The following ZFC3H1 variants were observed in gnomAD, a reference collection of about 807,000 sequenced individuals.
ZFC3H1 encodes zinc finger C3H1-type containing, also known as zinc finger C3H1 domain-containing protein.
In ZFC3H1, 71 loss-of-function variants were observed where a neutral mutation model predicts 243.7. The ratio of observed to expected loss-of-function variants is 0.29; its 90% CI spans 0.24 to 0.36. The LOEUF (loss-of-function observed/expected upper bound fraction) is 0.36, where lower values mean the gene tolerates loss of function less well. Ranked by LOEUF, ZFC3H1 falls within the 10% of genes least tolerant of loss-of-function variation. The probability of loss-of-function intolerance (pLI) is 1.00; values close to 1 mark genes in which losing one functional copy is unlikely to be tolerated. For synonymous variants in ZFC3H1, 838 were observed against 813.0 expected, an observed-to-expected ratio of 1.03 and a Z score of -0.52; for missense variants, 1,966 against 2,317.1, an observed-to-expected ratio of 0.85 and a Z score of 3.11.
rs988075118 is a variant in ZFC3H1 at position 71,610,687 on chromosome 12, A to G, written c.5832+8T>C. ...CATCGAGATAAAATAAAAGATAAAA[A>G]GCATTACATCTTTCCACAGTGATGC... On this transcript the variant is annotated splice_region_variant and intron_variant, in intron 34 of 34. Transcript: ENST00000378743. 2.5e-6 allele frequency: 4 copies of G among 1,613,026 alleles called. No homozygotes were observed. Among genetic ancestry groups the G allele is most frequent in the Non-Finnish European group, 3.4e-6 (4 of 1,179,470 alleles).
In ZFC3H1 at chr12:71,629,720, G is replaced by A; in HGVS notation, c.3725-10C>T. The A allele has an allele frequency of 6.6e-7, 1 of 1,505,920 alleles. No homozygotes were observed. The highest frequency in any genetic ancestry group is 1.1e-5 in the South Asian group (1 of 88,784). 93.3% of individuals were successfully genotyped at this position (1,505,920 alleles called of 1,614,324 possible). ...TTCTCAACATATTTTTCTGAAATAA[G>A]AGCAATGCAATCTTCATGATAAATA... On this transcript the variant is annotated splice_polypyrimidine_tract_variant and intron_variant, in intron 18 of 34. Transcript: ENST00000378743.
At chr12:71,626,229 C>A (rs1880162180) in intron 22 of ZFC3H1, 31 bp downstream of exon 22, 1 of 1,607,796 alleles carries the variant, frequency 6.2e-7, no homozygotes. Context: ...CACACACACA[C>A]ACACACACGT....
At chr12:71,648,387 A>G (rs763338374) in intron 2 of ZFC3H1, among the ~76,000 whole-genome samples, 20 of 152,334 alleles carry the variant, frequency 1.3e-4, no homozygotes, top group Non-Finnish European at 2.8e-4. Flanking sequence ...AAAATCTTAC[A>G]TTTATATATT....
rs769037363 is a variant in ZFC3H1 at position 71,633,035 on chromosome 12, A to C, written c.2686-18T>G. On this transcript the variant is annotated intron_variant, in intron 13 of 34. Coordinates refer to ENST00000378743, the MANE Select transcript of ZFC3H1 (RefSeq NM_144982.5). ...CTGTGAATCTGAAAAATATAGAATAATCCTGAAAATGTAAATGAAAACCTT... is the reference window on the plus strand; with the variant it reads ...CTGTGAATCTGAAAAATATAGAATACTCCTGAAAATGTAAATGAAAACCTT... The C allele has an allele frequency of 6.4e-7, 1 of 1,569,912 alleles. No homozygotes were observed. Among genetic ancestry groups the C allele is most frequent in the South Asian group, 1.2e-5 (1 of 83,232 alleles).
chr12:71,632,799 A>C, intron 14 of ZFC3H1, 87 bp downstream of exon 14: 1 of 1,522,810 alleles, frequency 6.6e-7, no homozygotes, highest in Middle Eastern at 1.7e-4. Flanking sequence ...TACAGCAAAG[A>C]GTTACTTTAT....
rs778457887 is a variant in ZFC3H1 at position 71,630,885 on chromosome 12, T to C, written c.3540A>G (p.Glu1180=). ...CAAAACGGCAGAAACACTGATCCGG[T>C]TCAATCATATTACTGTATGATACTG... ...LSSVSYSNMI[E]PDQCFCRFDL... Residue 1180 remains glutamate, a synonymous_variant, in exon 17 of 35, where the codon GAA becomes GAG. Transcript: ENST00000378743. The C allele has an allele frequency of 2.5e-6, 4 of 1,613,438 alleles. No homozygotes were observed.
At chr12:71,622,870 C>T (rs1459142082) in intron 24 of ZFC3H1, among the ~76,000 whole-genome samples, 1 of 152,084 alleles carries the variant, frequency 6.6e-6, no homozygotes, top group African/African-American at 2.4e-5. Context: ...TCTGACTAGG[C>T]TATATACTTC....
chr12:71,624,658 A>G (rs1880115167), intron 22 of ZFC3H1, among the ~76,000 whole-genome samples: 1 of 152,220 alleles, frequency 6.6e-6, no homozygotes, highest in African/African-American at 2.4e-5. Context: ...GTGTGACTGT[A>G]TAAAAGTTTT....
chr12:71,614,508 C>T, intron 30 of ZFC3H1, 27 bp downstream of exon 30: 1 of 1,534,408 alleles, frequency 6.5e-7, no homozygotes, highest in African/African-American at 1.4e-5. Flanking sequence ...ACACAAATAT[C>T]TAAAGAAAAA....
At chr12:71,613,944 CT>C (rs1879833576) in intron 30 of ZFC3H1, among the ~76,000 whole-genome samples, 1 of 151,966 alleles carries the variant, frequency 6.6e-6, no homozygotes, top group Non-Finnish European at 1.5e-5. Flanking sequence ...TAGCAAGGAG[CT>C]TTTTAGCCTA....
intron 18 of ZFC3H1, 130 bp downstream of exon 18, chr12:71,630,470 C>G (rs1880294890): frequency 8.0e-7 from 1 of 1,253,374 alleles, no homozygotes; most frequent in Admixed American, 2.8e-5. Context: ...TACAGCAAAT[C>G]TAGATAAAGT....
chr12:71,636,310 T>G (rs1207101922), intron 9 of ZFC3H1, among the ~76,000 whole-genome samples, 180 bp downstream of exon 9: 1 of 152,182 alleles, frequency 6.6e-6, no homozygotes, highest in Non-Finnish European at 1.5e-5. Context: ...AGTTTTCAAG[T>G]GAAGGTGTTG....
chr12:71,628,073 G>C (rs1880215465), intron 20 of ZFC3H1, 139 bp from the exon 21 acceptor site: 1 of 803,218 alleles, frequency 1.2e-6, no homozygotes, highest in African/African-American at 1.8e-5. Context: ...ACAGCTTTAA[G>C]GTAGAGCTAT....
chr12:71,613,549 T>C, intron 30 of ZFC3H1, 114 bp from the exon 31 acceptor site: 1 of 597,216 alleles, frequency 1.7e-6, no homozygotes, highest in South Asian at 2.5e-5. Context: ...GTATAAATTA[T>C]AATAATGTAT....
Position 71,630,834 on chromosome 12 carries a change from A to G in ZFC3H1, c.3591T>C (p.Asp1197=), listed in dbSNP as rs996971209. 1.2e-6 allele frequency: 2 copies of G among 1,612,756 alleles called. No individual in the cohort carries two copies. Among genetic ancestry groups the G allele is most frequent in the Non-Finnish European group, 1.7e-6 (2 of 1,179,348 alleles). ...CAAAAACTACTCACCATTGACAATC[A>G]TCATCATTACATGTTCCTGTTAAAT... ...RFDLTGTCND[D]DCQWQHIQDY... The change falls in exon 17 of 35, where the codon GAT becomes GAC. Residue 1197 remains aspartate (D), a synonymous_variant. Transcript: ENST00000378743.
chr12:71,641,771 T>G (rs1467473263), intron 6 of ZFC3H1, among the ~76,000 whole-genome samples: 3 of 152,248 alleles, frequency 2.0e-5, no homozygotes, highest in Admixed American at 2.0e-4. Context: ...TTTTGTTCTT[T>G]GACTAAAGCA....
intron 2 of ZFC3H1, among the ~76,000 whole-genome samples, chr12:71,651,081 TAC>T (rs1380002106): frequency 6.6e-6 from 1 of 152,184 alleles, no homozygotes; most frequent in Non-Finnish European, 1.5e-5. Flanking sequence ...GCTGGTTAAA[TAC>T]AGATTGCTAG....
At chr12:71,641,372 T>C (rs942325688) in intron 6 of ZFC3H1, among the ~76,000 whole-genome samples, 2 of 152,218 alleles carry the variant, frequency 1.3e-5, no homozygotes, top group Admixed American at 1.3e-4. Context: ...TTGTCTCTAG[T>C]CTAGATACAC....
intron 2 of ZFC3H1, among the ~76,000 whole-genome samples, chr12:71,650,987 CAT>C (rs1428966038): frequency 6.6e-6 from 1 of 152,212 alleles, no homozygotes; most frequent in African/African-American, 2.4e-5. Flanking sequence ...ATTCCCCAAA[CAT>C]GTCAGGCATC....
Sources: allele counts gnomAD v4.1 joint callset (sites outside exome capture counted in the v4.1 genomes callset), GRCh38; gene constraint gnomAD v4.1.1; transcripts MANE v1.5; gene names NCBI Gene and HGNC (gene_info 2026-07-23, HGNC 2026-07-21).